Variants in KIAA1217 observed in about 807,000 individuals in gnomAD.
KIAA1217 encodes the protein KIAA1217, also known as sickle tail protein homolog.
Under a neutral mutation model 163.9 loss-of-function variants are expected in KIAA1217, and 88 were observed. The ratio of observed to expected loss-of-function variants is 0.54; its 90% confidence interval spans 0.45 to 0.64. The LOEUF is 0.64. Ranked by LOEUF, KIAA1217 falls within the 30% of genes least tolerant of loss-of-function variation. The pLI is 0.00. For synonymous variants in KIAA1217, 903 were observed against 923.1 expected (o/e 0.98, Z 0.39); for missense variants, 2,372 against 2,475.0 (o/e 0.96, Z 0.88).
intron 1 of KIAA1217, among the ~76,000 whole-genome samples, chr10:23,727,213 G>A (rs182221477): frequency 1.8e-4 from 27 of 151,614 alleles, no homozygotes; most frequent in African/African-American, 6.3e-4. Context: ...GGAAGGTCTC[G>A]ATCTCCTAAC....
intron 2 of KIAA1217, among the ~76,000 whole-genome samples, chr10:24,260,281 T>C (rs2131693917): frequency 6.6e-6 from 1 of 152,234 alleles, no homozygotes; most frequent in Non-Finnish European, 1.5e-5. Context: ...AAGCATGTTT[T>C]AATGTGTGTT....
chr10:23,802,495 G>T (rs1588850470), intron 1 of KIAA1217, among the ~76,000 whole-genome samples: 1 of 152,120 alleles, frequency 6.6e-6, no homozygotes, highest in Non-Finnish European at 1.5e-5. Flanking sequence ...GTACACCCAG[G>T]TGTCTGATTG....
At chr10:23,754,585 G>A (rs537481699) in intron 1 of KIAA1217, among the ~76,000 whole-genome samples, 2 of 152,348 alleles carry the variant, frequency 1.3e-5, no homozygotes, top group East Asian at 3.9e-4. Context: ...GTGCAGGGCA[G>A]TGGATGCCTA....
chr10:24,343,470 G>A (rs1214916744), intron 2 of KIAA1217, among the ~76,000 whole-genome samples: 1 of 152,088 alleles, frequency 6.6e-6, no homozygotes, highest in African/African-American at 2.4e-5. Flanking sequence ...TGAGGTTTTT[G>A]GGGGGTATTT....
intron 2 of KIAA1217, among the ~76,000 whole-genome samples, chr10:24,240,711 A>G (rs2072967910): frequency 1.3e-5 from 2 of 152,244 alleles, no homozygotes; most frequent in Admixed American, 1.3e-4. Flanking sequence ...GACGTAGCAC[A>G]GTTCTAAGCA....
intron 2 of KIAA1217, among the ~76,000 whole-genome samples, chr10:24,106,515 A>G (rs2062635093): frequency 6.6e-6 from 1 of 151,568 alleles, no homozygotes. Context: ...GTCCCTGATT[A>G]TATGAATTTC....
At position 23,951,736 on chromosome 10, in the gene KIAA1217, G is replaced by C. The variant is rs191587595; in HGVS notation, c.-320-55489G>C. Among the ~76,000 whole-genome samples the C allele has an allele frequency of 2.6e-5, 4 of 152,274 alleles. No individual in the cohort carries two copies. The East Asian group carries it at 7.7e-4, about 29-fold the overall frequency. On this transcript the variant is annotated intron_variant, in intron 1 of 18. Transcript: ENST00000376462. The stretch of plus-strand genomic sequence containing the variant: ...TGCCGTGTGCAAGACCCACATACCA[G>C]AGTTTCCTTGTGCTTGTGTGTCAAA...
intron 1 of KIAA1217, among the ~76,000 whole-genome samples, chr10:24,004,401 A>G (rs1321230007): frequency 6.6e-6 from 1 of 152,206 alleles, no homozygotes; most frequent in Non-Finnish European, 1.5e-5. Context: ...TCATTATAAC[A>G]AAATTCACTA....
chr10:24,239,766 GT>G (rs1410814937), intron 2 of KIAA1217, among the ~76,000 whole-genome samples: 1 of 151,518 alleles, frequency 6.6e-6, no homozygotes, highest in Non-Finnish European at 1.5e-5. Context: ...GGGTAGTTTT[GT>G]ATTTTCACAT....
chr10:23,978,909 C>T lies in KIAA1217; in HGVS notation c.-320-28316C>T, dbSNP rs1845650400. ...ACCTGCCATGTTCTCTCTGGTGGCT[C>T]TGTCGGTTATGGAAAGAAGAGTAGT... On this transcript the variant is annotated intron_variant, in intron 1 of 18. Coordinates refer to the KIAA1217 transcript ENST00000376462. 2.6e-5 allele frequency among the ~76,000 whole-genome samples: 4 copies of T among 152,244 alleles called. No homozygotes were observed. The South Asian group carries it at 8.3e-4, about 32-fold the overall frequency.
At position 24,209,157 on chromosome 10, in the gene KIAA1217, TC is replaced by T. The variant is rs762672651; in HGVS notation, c.-35del. On this transcript the variant is annotated 5_prime_UTR_variant, in exon 1 of 21. Coordinates refer to ENST00000376454, the MANE Select transcript of KIAA1217 (RefSeq NM_019590.5). ...GCTTTTAGAACTGCGCTCTGAAGTTTCCAGAGAGCGAGGAGCTTTTGCGGCA... is the reference window on the plus strand; with the variant it reads ...GCTTTTAGAACTGCGCTCTGAAGTTTCAGAGAGCGAGGAGCTTTTGCGGCA... The T allele has an allele frequency of 5.0e-6, 8 of 1,602,386 alleles. No homozygotes were observed. In the East Asian group the frequency reaches 1.6e-4, roughly 31 times the overall value.
chr10:23,851,790 T>C (rs1276373038), intron 1 of KIAA1217, among the ~76,000 whole-genome samples: 1 of 152,132 alleles, frequency 6.6e-6, no homozygotes, highest in Admixed American at 6.6e-5. Flanking sequence ...TTCATGTGTT[T>C]TTTGGCTGCA....
At chr10:24,189,206 A>C (rs1195825171) in intron 2 of KIAA1217, among the ~76,000 whole-genome samples, 1 of 152,094 alleles carries the variant, frequency 6.6e-6, no homozygotes, top group Non-Finnish European at 1.5e-5. Flanking sequence ...AGAGGAATAC[A>C]TGATCCTACC....
chr10:24,050,963 T>G (rs1384181152), intron 2 of KIAA1217, among the ~76,000 whole-genome samples: 1 of 152,118 alleles, frequency 6.6e-6, no homozygotes, highest in Non-Finnish European at 1.5e-5. Context: ...GAACAGTTAG[T>G]GTTTGGTTGC....
intron 1 of KIAA1217, among the ~76,000 whole-genome samples, chr10:23,972,927 G>T (rs1173163752): frequency 3.3e-5 from 5 of 152,096 alleles, no homozygotes; most frequent in African/African-American, 4.8e-5. Flanking sequence ...TGGACACAGG[G>T]AGTGGAACAA....
intron 1 of KIAA1217, among the ~76,000 whole-genome samples, chr10:23,861,116 T>C (rs1445559131): frequency 6.6e-6 from 1 of 151,986 alleles, no homozygotes; most frequent in Non-Finnish European, 1.5e-5. Flanking sequence ...TTTCACCATG[T>C]TGTCCAGGCT....
At chr10:23,808,561 A>G (rs1015980021) in intron 1 of KIAA1217, among the ~76,000 whole-genome samples, 4 of 152,142 alleles carry the variant, frequency 2.6e-5, no homozygotes, top group Admixed American at 2.6e-4. Context: ...AAAAAAGCAA[A>G]TGGGTTGAGC....
At chr10:24,158,167 G>A in intron 2 of KIAA1217, 1 of 748,274 alleles carries the variant, frequency 1.3e-6, no homozygotes, top group Admixed American at 1.7e-5. Context: ...CAAGAAGACA[G>A]CCAAACATTT....
intron 2 of KIAA1217, among the ~76,000 whole-genome samples, chr10:24,265,288 A>G (rs777040051): frequency 3.3e-5 from 5 of 152,230 alleles, no homozygotes; most frequent in Non-Finnish European, 4.4e-5. Flanking sequence ...ATCCACAGAC[A>G]TTTTGATTAG....
Sources: allele counts gnomAD v4.1 joint callset (sites outside exome capture counted in the v4.1 genomes callset), GRCh38; gene constraint gnomAD v4.1.1; transcripts MANE v1.5; gene names NCBI Gene and HGNC (gene_info 2026-07-23, HGNC 2026-07-21).